RYR2: variants seen among roughly 807,000 people sequenced by gnomAD.
RYR2 encodes cardiac muscle ryanodine receptor-calcium release channel.
RYR2 carries 227 observed loss-of-function variants against 601.1 expected under a neutral mutation model. The ratio of observed to expected loss-of-function variants is 0.38; its 90% CI spans 0.34 to 0.42. The LOEUF is 0.42. Among genes scored for constraint, RYR2 ranks in the 10% least tolerant of loss-of-function variants. RYR2 has a pLI of 1.00. For missense variants in RYR2, 4,646 were observed against 6,156.5 expected, an observed-to-expected ratio of 0.75 and a Z score of 8.21; for synonymous variants, 2,223 against 2,175.1, an observed-to-expected ratio of 1.02 and a Z score of -0.61.
At chr1:237,226,295 A>T (rs1215204109) in intron 1 of RYR2, among the ~76,000 whole-genome samples, 1 of 152,202 alleles carries the variant, frequency 6.6e-6, no homozygotes, top group Non-Finnish European at 1.5e-5. Flanking sequence ...GAATTTAAAA[A>T]TGCATTCCTC....
chr1:237,449,459 G>A (rs1657799802), intron 14 of RYR2, among the ~76,000 whole-genome samples: 1 of 151,978 alleles, frequency 6.6e-6, no homozygotes, highest in Admixed American at 6.6e-5. Context: ...ATTTATAGAT[G>A]TTATTAATTC....
intron 76 of RYR2, among the ~76,000 whole-genome samples, chr1:237,728,930 T>A (rs924765245): frequency 6.6e-6 from 1 of 152,028 alleles, no homozygotes; most frequent in Admixed American, 6.6e-5. Flanking sequence ...TGCACATGTA[T>A]CCCAGAACTT....
At chr1:237,323,871 T>C (rs899350629) in intron 2 of RYR2, among the ~76,000 whole-genome samples, 1 of 152,216 alleles carries the variant, frequency 6.6e-6, no homozygotes, top group Non-Finnish European at 1.5e-5. Flanking sequence ...GCTTCATTTG[T>C]TAGGATCACA....
chr1:237,496,774 T>C (rs1257994061), intron 20 of RYR2, 22 bp downstream of exon 20: 13 of 1,590,968 alleles, frequency 8.2e-6, no homozygotes, highest in Middle Eastern at 1.7e-4. Context: ...CCATTTTCTT[T>C]CACCGTGTTC....
chr1:237,411,889 C>T (rs934216810), intron 10 of RYR2, among the ~76,000 whole-genome samples: 10 of 152,080 alleles, frequency 6.6e-5, no homozygotes, highest in Non-Finnish European at 1.5e-4. Context: ...GAAGTGGTTT[C>T]CTTGCAGGTT....
chr1:237,462,941 A>G (rs773893572), intron 16 of RYR2, among the ~76,000 whole-genome samples: 7 of 152,114 alleles, frequency 4.6e-5, no homozygotes, highest in Non-Finnish European at 8.8e-5. Flanking sequence ...TTACTCTTGC[A>G]AGTTCCCAGG....
intron 73 of RYR2, among the ~76,000 whole-genome samples, 178 bp from the exon 74 acceptor site, chr1:237,722,950 T>C (rs981230477): frequency 6.6e-6 from 1 of 152,202 alleles, no homozygotes. Context: ...ATCACCATGC[T>C]GTACATTAGA....
chr1:237,383,414 C>CTTTTTTTTTTTTTTTTTTT (rs1558724426), intron 8 of RYR2, among the ~76,000 whole-genome samples: 4 of 64,768 alleles, frequency 6.2e-5, no homozygotes, highest in South Asian at 5.0e-4. Context: ...TTTCTTTTTT[C>CTTTTTTTTTTTTTTTTTTT]TTGTTTTTTT....
At chr1:237,237,916 TTTTCCC>T (rs1326933344) in intron 1 of RYR2, among the ~76,000 whole-genome samples, 1 of 133,650 alleles carries the variant, frequency 7.5e-6, no homozygotes, top group East Asian at 2.6e-4. Context: ...TTTCCTTTCC[TTTTCCC>T]TTTCCCTTTC....
At chr1:237,082,273 G>T (rs1231765688) in intron 1 of RYR2, among the ~76,000 whole-genome samples, 1 of 151,370 alleles carries the variant, frequency 6.6e-6, no homozygotes, top group African/African-American at 2.5e-5. Flanking sequence ...CTTAAAACCT[G>T]TGTCAGAGCC....
intron 2 of RYR2, among the ~76,000 whole-genome samples, chr1:237,321,772 T>C (rs939509283): frequency 6.6e-6 from 1 of 152,174 alleles, no homozygotes; most frequent in African/African-American, 2.4e-5. Context: ...ATTCTTATGT[T>C]GAATAAGTTC....
intron 80 of RYR2, among the ~76,000 whole-genome samples, chr1:237,751,499 G>T (rs1210613411): frequency 6.6e-6 from 1 of 152,158 alleles, no homozygotes; most frequent in East Asian, 1.9e-4. Context: ...TTTCAACTTA[G>T]TTGAGTTTTA....
chr1:237,778,319 A>G (rs138824600), intron 87 of RYR2, among the ~76,000 whole-genome samples: 2 of 151,834 alleles, frequency 1.3e-5, no homozygotes, highest in African/African-American at 4.8e-5. Flanking sequence ...AATAGTGACT[A>G]TTGATTGATT....
At chr1:237,613,980 T>C (rs961571064) in intron 36 of RYR2, 59 bp from the exon 37 acceptor site, 28 of 1,500,568 alleles carry the variant, frequency 1.9e-5, no homozygotes, top group Non-Finnish European at 2.5e-5. Flanking sequence ...TCTCCTCTGA[T>C]TCAGATTTTA....
At chr1:237,071,824 G>A (rs74628174) in intron 1 of RYR2, among the ~76,000 whole-genome samples, 1 of 152,160 alleles carries the variant, frequency 6.6e-6, no homozygotes, top group South Asian at 2.1e-4. Flanking sequence ...AGCCCCACCC[G>A]GCTCCAGCCT....
At chr1:237,654,455 G>C in intron 52 of RYR2, 41 bp downstream of exon 52, 1 of 1,595,378 alleles carries the variant, frequency 6.3e-7, no homozygotes, top group Non-Finnish European at 8.6e-7. Context: ...TCAATAAAAT[G>C]GTATAGAGCC....
chr1:237,766,622 A>T (rs1226769993), intron 84 of RYR2, among the ~76,000 whole-genome samples: 1 of 152,218 alleles, frequency 6.6e-6, no homozygotes, highest in Non-Finnish European at 1.5e-5. Context: ...AAGGATGCTG[A>T]TGAATGGAAT....
intron 25 of RYR2, among the ~76,000 whole-genome samples, chr1:237,545,067 G>A (rs2148058676): frequency 6.6e-6 from 1 of 152,340 alleles, no homozygotes. Context: ...GGTTATAGAG[G>A]AAAGAAGGTT....
At chr1:237,306,676 C>G (rs1050033855) in intron 2 of RYR2, among the ~76,000 whole-genome samples, 4 of 151,994 alleles carry the variant, frequency 2.6e-5, no homozygotes, top group African/African-American at 9.7e-5. Context: ...TTTAAGTTGT[C>G]TTTGTGGCAT....
Sources: allele counts gnomAD v4.1 joint callset (sites outside exome capture counted in the v4.1 genomes callset), GRCh38; gene constraint gnomAD v4.1.1; transcripts MANE v1.5; gene names NCBI Gene and HGNC (gene_info 2026-07-23, HGNC 2026-07-21).